ROR1: variants seen among roughly 807,000 people sequenced by gnomAD.
ROR1 encodes inactive tyrosine-protein kinase transmembrane receptor ROR1.
Under a neutral mutation model 78.8 loss-of-function variants are expected in ROR1, and 19 were observed. The observed-to-expected ratio is 0.24, with a 90% confidence interval of 0.17 to 0.35. ROR1 has a LOEUF of 0.35. Ranked by LOEUF, ROR1 falls within the 10% of genes least tolerant of loss-of-function variation. ROR1 has a pLI of 1.00. For missense variants in ROR1, 917 were observed against 1,177.8 expected, an observed-to-expected ratio of 0.78 and a Z score of 3.24; for synonymous variants, 386 against 433.6, an observed-to-expected ratio of 0.89 and a Z score of 1.36.
At chr1:64,075,421 T>C (rs555131551) in intron 4 of ROR1, among the ~76,000 whole-genome samples, 115 of 152,340 alleles carry the variant, frequency 7.5e-4, no homozygotes, top group Admixed American at 1.1e-3. Context: ...TCTGTCCTTA[T>C]ACGATGTTTC....
chr1:63,804,215 A>G (rs953623324), intron 1 of ROR1, among the ~76,000 whole-genome samples: 1 of 152,122 alleles, frequency 6.6e-6, no homozygotes, highest in African/African-American at 2.4e-5. Context: ...TTGTAATTGT[A>G]ATGGTGGTTA....
intron 1 of ROR1, among the ~76,000 whole-genome samples, chr1:63,820,361 G>C (rs1644916565): frequency 6.6e-6 from 1 of 152,200 alleles, no homozygotes; most frequent in African/African-American, 2.4e-5. Flanking sequence ...ACAAAGAACA[G>C]TGTTCAGTAA....
At chr1:63,860,562 TAC>T (rs68153450) in intron 1 of ROR1, among the ~76,000 whole-genome samples, 17,170 of 126,298 alleles carry the variant, frequency 0.14, 1,165 homozygotes, top group Middle Eastern at 0.24. Context: ...CTACTAAAAA[TAC>T]ACACACACAC....
rs1322589534 is a variant in ROR1 at position 63,774,507 on chromosome 1, A to G, written c.90A>G (p.Gln30=). 8.9e-7 allele frequency: 1 copy of G among 1,126,218 alleles called. No individual in the cohort carries two copies. Among genetic ancestry groups the G allele is most frequent in the East Asian group, 5.2e-5 (1 of 19,092 alleles). The allele number at this position is 1,126,218 out of a possible 1,614,324, so 69.8% of individuals were successfully genotyped here. A position where few individuals can be genotyped will look rare whatever the true frequency, so the allele number is the denominator to read the frequency against. Reference sequence around the variant, plus strand: ...TGGCCGCACGCGGGGCTGCTGCCCAAGGTAAGAGGCGCCCGCCGGCCCCCG... The same window carrying G: ...TGGCCGCACGCGGGGCTGCTGCCCAGGGTAAGAGGCGCCCGCCGGCCCCCG... ...LLLAARGAAA[Q]ETELSVSAEL... Residue 30 remains glutamine, a splice_region_variant and synonymous_variant, in exon 1 of 9, where the codon CAA becomes CAG. Coordinates refer to ENST00000371079, the MANE Select transcript of ROR1 (RefSeq NM_005012.4). The surrounding 1 kb of genome is among the most constrained non-coding windows in gnomAD (Gnocchi z 5.7).
chr1:64,058,646 T>G (rs1236757246), intron 4 of ROR1, among the ~76,000 whole-genome samples: 2 of 151,766 alleles, frequency 1.3e-5, no homozygotes, highest in Non-Finnish European at 2.9e-5. Context: ...CATTAATTGA[T>G]TTTTGCATGT....
At chr1:63,775,414 G>T (rs1221799079) in intron 1 of ROR1, 1 of 152,188 alleles carries the variant, frequency 6.6e-6, no homozygotes, top group Non-Finnish European at 1.5e-5. Flanking sequence ...ATTCTTTGGA[G>T]GTTGGAGGGG....
At chr1:64,059,771 A>T (rs1646902631) in intron 4 of ROR1, among the ~76,000 whole-genome samples, 1 of 151,486 alleles carries the variant, frequency 6.6e-6, no homozygotes, top group African/African-American at 2.4e-5. Flanking sequence ...TAATGATTGG[A>T]CAGAAATTTC....
intron 4 of ROR1, among the ~76,000 whole-genome samples, chr1:64,128,930 CAGA>C (rs1425091932): frequency 6.6e-6 from 1 of 152,114 alleles, no homozygotes; most frequent in African/African-American, 2.4e-5. Flanking sequence ...AAGATTGAAA[CAGA>C]GGAGGAACAG....
Position 64,181,138 on chromosome 1 carries a change from A to AAC in ROR1, c.*2284_*2285dup, listed in dbSNP as rs1166517505. Reference sequence around the variant, plus strand: ...GATCTTTTTCTCCTTTTTTGCACAAAACTATGCTTATGGTTTGTGTCACAG... The same window carrying AAC: ...GATCTTTTTCTCCTTTTTTGCACAAAACACTATGCTTATGGTTTGTGTCACAG... On this transcript the variant is annotated 3_prime_UTR_variant, in exon 9 of 9. Coordinates refer to ENST00000371079, the MANE Select transcript of ROR1 (RefSeq NM_005012.4). 2 of 152,002 alleles carry AAC rather than the reference A, an allele frequency of 1.3e-5. No individual in the cohort carries two copies. Among genetic ancestry groups the AAC allele is most frequent in the Non-Finnish European group, 2.9e-5 (2 of 67,942 alleles). The allele number at this position is 152,002 out of a possible 1,614,324, so 9.4% of individuals were successfully genotyped here.
intron 1 of ROR1, among the ~76,000 whole-genome samples, chr1:63,825,469 A>G (rs1644947500): frequency 1.3e-5 from 2 of 152,236 alleles, no homozygotes. Context: ...ACATTTCTAG[A>G]AAAGGCAAAA....
At chr1:64,143,094 G>A in intron 7 of ROR1, 1 of 1,016,904 alleles carries the variant, frequency 9.8e-7, no homozygotes, top group East Asian at 8.5e-5. Context: ...GGTCATCCAG[G>A]ACAATCTGTG....
chr1:64,128,310 A>AG (rs71056024), intron 4 of ROR1, among the ~76,000 whole-genome samples: 3 of 149,240 alleles, frequency 2.0e-5, no homozygotes, highest in Non-Finnish European at 4.5e-5. Context: ...AAAAAAAAAA[A>AG]GTAAAAAAAC....
chr1:64,070,606 C>T (rs1646995787), intron 4 of ROR1, among the ~76,000 whole-genome samples: 1 of 152,126 alleles, frequency 6.6e-6, no homozygotes, highest in Non-Finnish European at 1.5e-5. Context: ...AGGTGTGAGC[C>T]ACCACACCTG....
Position 64,140,220 on chromosome 1 carries a change from T to C in ROR1, c.722T>C (p.Val241Ala), listed in dbSNP as rs1265137761. ...AFPYCDETSS[V>A]PKPRDLCRDE... The stretch of plus-strand genomic sequence containing the variant: ...CCGTACTGCGATGAAACTTCATCCG[T>C]CCCAAAGCCCCGTGACTTGTGTCGC... The change falls in exon 6 of 9, where the codon GTC becomes GCC. Residue 241 changes from valine (V) to alanine (A), a missense_variant. By Grantham distance (64) the Val-to-Ala change is moderately conservative (BLOSUM62 0). Around this residue, in one of 3 missense-constraint regions of ROR1, gnomAD observed 835 missense variants for 1,069.8 expected, o/e 0.78. Transcript: ENST00000371079. The C allele has an allele frequency of 6.2e-7, 1 of 1,614,152 alleles. No individual in the cohort carries two copies.
intron 1 of ROR1, among the ~76,000 whole-genome samples, chr1:63,972,623 G>T (rs111776826): frequency 0.047 from 7,204 of 152,244 alleles, 312 homozygotes; most frequent in Admixed American, 0.14. Flanking sequence ...TACTTAGTAA[G>T]GTGGGTGGCA....
intron 2 of ROR1, among the ~76,000 whole-genome samples, chr1:64,048,677 G>C (rs1646804630): frequency 6.6e-6 from 1 of 152,060 alleles, no homozygotes; most frequent in Non-Finnish European, 1.5e-5. Flanking sequence ...TATTAATATT[G>C]ATGTTTAAAT....
chr1:64,117,341 T>C (rs1321602687), intron 4 of ROR1, among the ~76,000 whole-genome samples: 1 of 152,188 alleles, frequency 6.6e-6, no homozygotes, highest in Non-Finnish European at 1.5e-5. Flanking sequence ...AGATAATATA[T>C]GGAAAATTCT....
chr1:63,843,187 C>T lies in ROR1; in HGVS notation c.91+68679C>T, dbSNP rs147706078. On this transcript the variant is annotated intron_variant, in intron 1 of 8. Transcript: ENST00000371079. The stretch of plus-strand genomic sequence containing the variant: ...GATGCTCCAGGCAGGTGGCCAGAAC[C>T]GGCTCACAAAGGCTTGTCCTCTAGG... The T allele has an allele frequency of 5.2e-4, 681 of 1,320,806 alleles. No individual in the cohort carries two copies. The African/African-American group carries it at 8.3e-3, about 16-fold the overall frequency. The allele number at this position is 1,320,806 out of a possible 1,614,324, so 81.8% of individuals were successfully genotyped here.
At chr1:63,873,380 C>T (rs1450371129) in intron 1 of ROR1, among the ~76,000 whole-genome samples, 1 of 152,120 alleles carries the variant, frequency 6.6e-6, no homozygotes, top group Non-Finnish European at 1.5e-5. Context: ...TTATCTCCCA[C>T]CCCACTCCTC....
Sources: allele counts gnomAD v4.1 joint callset (sites outside exome capture counted in the v4.1 genomes callset), GRCh38; gene constraint gnomAD v4.1.1; regional missense constraint gnomAD v4.1.1; non-coding constraint Gnocchi (gnomAD v3.1); transcripts MANE v1.5; gene names NCBI Gene and HGNC (gene_info 2026-07-23, HGNC 2026-07-21).